The following MTG1 variants were observed in gnomAD, a reference collection of about 807,000 sequenced individuals.
The protein encoded by MTG1 is mitochondrial ribosome associated GTPase 1, also known as mitochondrial ribosome-associated GTPase 1.
Under a neutral mutation model 39.5 loss-of-function variants are expected in MTG1, and 30 were observed. The observed-to-expected ratio is 0.76, with a 90% CI of 0.57 to 1.03. MTG1 has a LOEUF of 1.03. Among genes scored for constraint, MTG1 ranks in the 50% least tolerant of loss-of-function variants. The probability of loss-of-function intolerance (pLI) is 0.00; values close to 1 mark genes in which losing one functional copy is unlikely to be tolerated. For synonymous variants in MTG1, 217 were observed against 179.0 expected (o/e 1.21, Z -1.69); for missense variants, 513 against 447.4 (o/e 1.15, Z -1.32).
At chr10:133,415,945 G>A (rs1258032050) in intron 9 of MTG1, among the ~76,000 whole-genome samples, 2 of 149,618 alleles carry the variant, frequency 1.3e-5, no homozygotes, top group Non-Finnish European at 3.0e-5. Context: ...TATCAGGCAC[G>A]CAGTTATCAG....
intron 9 of MTG1, among the ~76,000 whole-genome samples, chr10:133,405,283 A>C (rs767602502): frequency 6.6e-6 from 1 of 152,244 alleles, no homozygotes; most frequent in Non-Finnish European, 1.5e-5. Context: ...CTTTTGATAC[A>C]AAGTAGATGT....
Position 133,402,827 on chromosome 10 carries a change from T to TA in MTG1, c.752+66dup, listed in dbSNP as rs34193468. 82,186 of 957,212 alleles carry TA rather than the reference T, an allele frequency of 0.086. 224 individuals are homozygous for TA. Among genetic ancestry groups the TA allele is most frequent in the Non-Finnish European group, 0.089 (61,378 of 693,210 alleles). The allele number at this position is 957,212 out of a possible 1,614,324, so 59.3% of individuals were successfully genotyped here. A position where few individuals can be genotyped will look rare whatever the true frequency, so the allele number is the denominator to read the frequency against. On this transcript the variant is annotated intron_variant, in intron 9 of 10. Transcript: ENST00000317502. The surrounding 1 kb of genome is among the most constrained non-coding windows in gnomAD (Gnocchi z 4.7). Reference sequence around the variant, plus strand: ...GGCCCCTCCTCCTAGTCACCTCATTTAAAAAAAAAAAACAAACAAAAAAAC... The same window carrying TA: ...GGCCCCTCCTCCTAGTCACCTCATTTAAAAAAAAAAAAACAAACAAAAAAAC...
intron 9 of MTG1, among the ~76,000 whole-genome samples, chr10:133,404,193 T>C (rs1490037337): frequency 1.4e-5 from 2 of 140,156 alleles, no homozygotes; most frequent in Admixed American, 1.6e-4. Flanking sequence ...AGTGGTACAG[T>C]CTCAGCTCAC....
At chr10:133,395,165 G>C (rs994991177) in intron 1 of MTG1, among the ~76,000 whole-genome samples, 1 of 152,212 alleles carries the variant, frequency 6.6e-6, no homozygotes, top group African/African-American at 2.4e-5. Flanking sequence ...GGAGGCCGAG[G>C]TGGGCAGATC....
At chr10:133,412,384 C>T (rs1170986111) in intron 9 of MTG1, among the ~76,000 whole-genome samples, 2 of 152,058 alleles carry the variant, frequency 1.3e-5, no homozygotes, top group Non-Finnish European at 1.5e-5. Flanking sequence ...GTATATTGAT[C>T]TTGTATCTTG....
chr10:133,418,488 TCC>T (rs1850169910), intron 9 of MTG1, among the ~76,000 whole-genome samples: 3 of 152,036 alleles, frequency 2.0e-5, no homozygotes, highest in Non-Finnish European at 4.4e-5. Flanking sequence ...TGCTCCTCTC[TCC>T]TGGGACAGCT....
In MTG1 at chr10:133,402,264, TGGGGC is replaced by T. The variant is rs2133498500; in HGVS notation, c.670+20_670+24del. ...CTGTGTGGTGAGCCGGGGCTGGGGC[TGGGGC>T]TGGGGCTGGGACCGGGGCCCCTGCC... On this transcript the variant is annotated intron_variant, in intron 8 of 10. Transcript: ENST00000317502. This position sits in a 1 kb window ranked among gnomAD's most constrained non-coding sequence, Gnocchi z 4.7. 7.0e-7 allele frequency: 1 copy of T among 1,423,762 alleles called. No individual in the cohort carries two copies. The highest frequency in any genetic ancestry group is 2.4e-5 in the East Asian group (1 of 41,432). The allele number at this position is 1,423,762 out of a possible 1,614,324, so 88.2% of individuals were successfully genotyped here.
At chr10:133,401,470 T>A in intron 6 of MTG1, 59 bp from the exon 7 acceptor site, 1 of 1,442,794 alleles carries the variant, frequency 6.9e-7, no homozygotes, top group Non-Finnish European at 9.4e-7. Flanking sequence ...TCTCCCTACT[T>A]GTTCTGCAGC....
chr10:133,394,242 C>A lies in MTG1; in HGVS notation c.22C>A (p.Leu8Met). 1.3e-6 allele frequency: 2 copies of A among 1,515,402 alleles called. No individual in the cohort carries two copies. Among genetic ancestry groups the A allele is most frequent in the Non-Finnish European group, 1.8e-6 (2 of 1,136,464 alleles). 93.9% of individuals were successfully genotyped at this position (1,515,402 alleles called of 1,614,324 possible). Residue 8 changes from leucine (L) to methionine (M), a missense_variant, in exon 1 of 11, where the codon CTG becomes ATG. By Grantham distance (15) the Leu-to-Met change is conservative. Transcript: ENST00000317502. MRLTPRA[L>M]CSAAQAAWRE... ...CGCCATGAGATTGACCCCGCGCGCGCTGTGCAGCGCCGCCCAGGCCGCCTG... is the reference window on the plus strand; with the variant it reads ...CGCCATGAGATTGACCCCGCGCGCGATGTGCAGCGCCGCCCAGGCCGCCTG...
intron 3 of MTG1, 55 bp from the exon 4 acceptor site, chr10:133,398,380 A>G (rs1478663894): frequency 2.5e-6 from 4 of 1,569,964 alleles, no homozygotes; most frequent in South Asian, 1.2e-5. Context: ...AGCCTGGGTG[A>G]CAGAGCCAAG....
At chr10:133,403,669 C>T (rs1199624084) in intron 9 of MTG1, among the ~76,000 whole-genome samples, 2 of 152,164 alleles carry the variant, frequency 1.3e-5, no homozygotes, top group Non-Finnish European at 2.9e-5. Context: ...TGTCCCTTCA[C>T]CCGTTGATGG....
At position 133,398,454 on chromosome 10, in the gene MTG1, A is replaced by T; in HGVS notation, c.302A>T (p.Glu101Val). 6.2e-7 allele frequency: 1 copy of T among 1,613,018 alleles called. No individual in the cohort carries two copies. The highest frequency in any genetic ancestry group is 8.5e-7 in the Non-Finnish European group (1 of 1,179,756). Residue 101 changes from glutamate to valine, a missense_variant, in exon 4 of 11, where the codon GAA becomes GTA. By Grantham distance (121) the Glu-to-Val change is moderately radical. Coordinates refer to ENST00000317502, the MANE Select transcript of MTG1 (RefSeq NM_138384.4). Reference protein sequence around the residue: ...TEQQKIMQHLEGEGLKNVIFT... With the variant: ...TEQQKIMQHLVGEGLKNVIFT... ...TTTCAGAAAATTATGCAACACTTAG[A>T]AGGAGAAGGCCTAAAAAATGTCATT...
rs1399428416 is a variant in MTG1 at position 133,396,947 on chromosome 10, C to T, written c.282+680C>T. Among the ~76,000 whole-genome samples the T allele has an allele frequency of 3.3e-5, 5 of 152,150 alleles. No homozygotes were observed. In the East Asian group the frequency reaches 5.8e-4, roughly 18 times the overall value. On this transcript the variant is annotated intron_variant, in intron 3 of 10. Coordinates refer to ENST00000317502, the MANE Select transcript of MTG1 (RefSeq NM_138384.4). ...AGCGTCAGTGTCAAGGAAAAGCACC[C>T]GCTACTTAGCAGACCGGGAAAGGGA...
At chr10:133,412,451 T>C (rs1437792496) in intron 9 of MTG1, among the ~76,000 whole-genome samples, 1 of 152,226 alleles carries the variant, frequency 6.6e-6, no homozygotes, top group African/African-American at 2.4e-5. Flanking sequence ...TCCAGTTAGA[T>C]TTTTTACCTA....
At position 133,420,254 on chromosome 10, in the gene MTG1, A is replaced by G; in HGVS notation, c.*89A>G. The G allele has an allele frequency of 6.9e-7, 1 of 1,455,686 alleles. No homozygotes were observed. Among genetic ancestry groups the G allele is most frequent in the Non-Finnish European group, 9.2e-7 (1 of 1,092,228 alleles). The allele number at this position is 1,455,686 out of a possible 1,614,324, so 90.2% of individuals were successfully genotyped here. A position where few individuals can be genotyped will look rare whatever the true frequency, so the allele number is the denominator to read the frequency against. On this transcript the variant is annotated 3_prime_UTR_variant, in exon 11 of 11. Coordinates refer to ENST00000317502, the MANE Select transcript of MTG1 (RefSeq NM_138384.4). ...AGGCTCAAGACAGCTCACCCGGTCC[A>G]GAAGCTCCATGCTGGTCACTAGGGT...
intron 9 of MTG1, among the ~76,000 whole-genome samples, chr10:133,408,405 C>G (rs1208588203): frequency 6.6e-6 from 1 of 152,132 alleles, no homozygotes; most frequent in Non-Finnish European, 1.5e-5. Flanking sequence ...GAGACACATC[C>G]CACTTGATCG....
intron 1 of MTG1, among the ~76,000 whole-genome samples, chr10:133,395,177 C>G (rs989175169): frequency 6.6e-6 from 1 of 152,126 alleles, no homozygotes; most frequent in Non-Finnish European, 1.5e-5. Context: ...GGGCAGATCA[C>G]GAGGTCAGGA....
chr10:133,410,086 C>T (rs1408906870), intron 9 of MTG1, among the ~76,000 whole-genome samples: 2 of 152,140 alleles, frequency 1.3e-5, no homozygotes. Flanking sequence ...CACTCTGTTG[C>T]CCAGGCTGGT....
intron 9 of MTG1, among the ~76,000 whole-genome samples, chr10:133,414,293 G>A (rs4437955): frequency 0.24 from 36,194 of 150,480 alleles, 4,485 homozygotes; most frequent in Admixed American, 0.33. Flanking sequence ...AGAACAAAAT[G>A]AAAAGTCTCC....
Sources: allele counts gnomAD v4.1 joint callset (sites outside exome capture counted in the v4.1 genomes callset), GRCh38; gene constraint gnomAD v4.1.1; non-coding constraint Gnocchi (gnomAD v3.1); transcripts MANE v1.5; gene names NCBI Gene and HGNC (gene_info 2026-07-23, HGNC 2026-07-21).